Variants in DYNC2H1 observed in about 807,000 individuals in gnomAD.
DYNC2H1 encodes the protein cytoplasmic dynein 2 heavy chain 1.
Under a neutral mutation model 570.0 loss-of-function variants are expected in DYNC2H1, and 410 were observed. That is an observed-to-expected ratio of 0.72 (90% CI 0.66 to 0.78). DYNC2H1 has a LOEUF of 0.78. DYNC2H1 is among the 30% of genes least tolerant of loss of function. The probability of loss-of-function intolerance (pLI) is 0.00; values close to 1 mark genes in which losing one functional copy is unlikely to be tolerated. For synonymous variants in DYNC2H1, 1,688 were observed against 1,677.6 expected, an observed-to-expected ratio of 1.01 and a Z score of -0.15; for missense variants, 4,865 against 5,046.4, an observed-to-expected ratio of 0.96 and a Z score of 1.09.
chr11:103,187,146 A>C (rs1350205901), intron 42 of DYNC2H1, among the ~76,000 whole-genome samples, 194 bp from the exon 43 acceptor site: 1 of 151,984 alleles, frequency 6.6e-6, no homozygotes, highest in Non-Finnish European at 1.5e-5. Flanking sequence ...TTAAAACATG[A>C]ATTTATGTTT....
At chr11:103,184,752 A>T (rs942009375) in intron 40 of DYNC2H1, 144 bp from the exon 41 acceptor site, 4 of 692,328 alleles carry the variant, frequency 5.8e-6, no homozygotes, top group Admixed American at 3.4e-5. Flanking sequence ...AATTGAATGA[A>T]ATCCAAACTT....
intron 70 of DYNC2H1, among the ~76,000 whole-genome samples, chr11:103,266,794 G>T (rs984744271): frequency 3.5e-4 from 53 of 152,076 alleles, no homozygotes; most frequent in Admixed American, 3.3e-3. Flanking sequence ...ACCTGAGGCT[G>T]CCCTGCAAGC....
intron 10 of DYNC2H1, 33 bp downstream of exon 10, chr11:103,121,529 A>C: frequency 6.3e-7 from 1 of 1,599,658 alleles, no homozygotes; most frequent in Non-Finnish European, 8.5e-7. Flanking sequence ...AAGAGTACTA[A>C]TTATAAAATC....
chr11:103,221,566 T>C (rs1863587552), intron 57 of DYNC2H1, among the ~76,000 whole-genome samples: 1 of 152,178 alleles, frequency 6.6e-6, no homozygotes, highest in East Asian at 1.9e-4. Flanking sequence ...TCTAGAGTTT[T>C]TGTTGTCTAC....
At chr11:103,166,776 T>C (rs1861322944) in intron 31 of DYNC2H1, among the ~76,000 whole-genome samples, 1 of 152,094 alleles carries the variant, frequency 6.6e-6, no homozygotes, top group Non-Finnish European at 1.5e-5. Context: ...TTTTCAGTAG[T>C]TTGATTATGA....
chr11:103,376,375 T>C (rs1941393131), intron 83 of DYNC2H1, among the ~76,000 whole-genome samples: 1 of 152,256 alleles, frequency 6.6e-6, no homozygotes. Context: ...GGTTGTTTTT[T>C]AGATCTTTGG....
At chr11:103,467,420 C>T (rs1945226130) in intron 87 of DYNC2H1, among the ~76,000 whole-genome samples, 2 of 152,172 alleles carry the variant, frequency 1.3e-5, no homozygotes, top group African/African-American at 2.4e-5. Context: ...CTGTATGTTG[C>T]TGAAAATTAT....
In DYNC2H1 at chr11:103,186,133, T is replaced by G; in HGVS notation, c.6634-109T>G. The stretch of plus-strand genomic sequence containing the variant: ...TAAAATAGGTTTAGTTTATGTAAAG[T>G]TTTCTTGGAACTAAGATGATTTACT... On this transcript the variant is annotated intron_variant, in intron 41 of 88. Transcript: ENST00000375735. The surrounding 1 kb of genome is among the most constrained non-coding windows in gnomAD (Gnocchi z 4.5). 9.0e-7 allele frequency: 1 copy of G among 1,107,630 alleles called. No individual in the cohort carries two copies. The highest frequency in any genetic ancestry group is 1.3e-6 in the Non-Finnish European group (1 of 798,554). The allele number at this position is 1,107,630 out of a possible 1,614,324, so 68.6% of individuals were successfully genotyped here. A position where few individuals can be genotyped will look rare whatever the true frequency, so the allele number is the denominator to read the frequency against.
In DYNC2H1 at chr11:103,173,450, G is replaced by C. The variant is rs957737976; in HGVS notation, c.5558+145G>C. On this transcript the variant is annotated intron_variant, in intron 35 of 88. Transcript: ENST00000375735. ...TTTATTGTACTTATAGTGTAGCTAT[G>C]AAAGGCTTTAGCATGCACATAAAAA... is the stretch of plus-strand genomic sequence containing the variant. 7 of 555,574 alleles carry C rather than the reference G, an allele frequency of 1.3e-5. No individual in the cohort carries two copies. The Admixed American group carries it at 1.3e-4, about 10-fold the overall frequency. The allele number at this position is 555,574 out of a possible 1,614,324, so 34.4% of individuals were successfully genotyped here.
intron 52 of DYNC2H1, among the ~76,000 whole-genome samples, chr11:103,206,376 AAGGC>A (rs1862924715): frequency 6.6e-6 from 1 of 152,182 alleles, no homozygotes; most frequent in South Asian, 2.1e-4. Context: ...TAAGTTTGGG[AAGGC>A]ATTTGGAAAT....
Position 103,177,604 on chromosome 11 carries a change from GT to G in DYNC2H1, c.5925del (p.Val1976LeufsTer17), listed in dbSNP as rs1380132788. 1.9e-6 allele frequency: 3 copies of G among 1,613,174 alleles called. No individual in the cohort carries two copies. The African/African-American group carries it at 4.0e-5, about 22-fold the overall frequency. ...LYEQLCQRMGVVIVGPSGAGK... is the reference protein window; with the variant it reads ...LYEQLCQRMGXVIVGPSGAGK... ...TGAACAGTTATGCCAGAGGATGGGA[GT>G]TGTTATTGTTGGTCCAAGTGGTGCT... On this transcript the variant is annotated frameshift_variant, in exon 38 of 89. Transcript: ENST00000375735. LOFTEE classifies it high-confidence loss of function. This position sits in a 1 kb window ranked among gnomAD's most constrained non-coding sequence, Gnocchi z 4.4.
chr11:103,195,284 G>T (rs1300598557), intron 47 of DYNC2H1, among the ~76,000 whole-genome samples: 3 of 152,140 alleles, frequency 2.0e-5, no homozygotes, highest in Non-Finnish European at 4.4e-5. Flanking sequence ...TTCCTTAAAA[G>T]TTTATAGTTT....
In DYNC2H1 at chr11:103,186,130, A is replaced by G; in HGVS notation, c.6634-112A>G. 4 of 1,072,310 alleles carry G rather than the reference A, an allele frequency of 3.7e-6. No homozygotes were observed. The East Asian group carries it at 7.8e-5, about 21-fold the overall frequency. The allele number at this position is 1,072,310 out of a possible 1,614,324, so 66.4% of individuals were successfully genotyped here. On this transcript the variant is annotated intron_variant, in intron 41 of 88. Transcript: ENST00000375735. The surrounding 1 kb of genome is among the most constrained non-coding windows in gnomAD (Gnocchi z 4.5). ...TGATAAAATAGGTTTAGTTTATGTA[A>G]AGTTTTCTTGGAACTAAGATGATTT...
chr11:103,149,647 G>A (rs1860436532), intron 20 of DYNC2H1, among the ~76,000 whole-genome samples: 1 of 152,178 alleles, frequency 6.6e-6, no homozygotes, highest in African/African-American at 2.4e-5. Flanking sequence ...TATGAGCTGT[G>A]GCAGTTAGCA....
intron 70 of DYNC2H1, among the ~76,000 whole-genome samples, chr11:103,266,593 A>G (rs1865514410): frequency 6.6e-6 from 1 of 152,180 alleles, no homozygotes; most frequent in African/African-American, 2.4e-5. Context: ...GCACTTTCAC[A>G]TGCTGGTATG....
At chr11:103,286,999 A>G (rs7119789) in intron 74 of DYNC2H1, among the ~76,000 whole-genome samples, 19,219 of 152,222 alleles carry the variant, frequency 0.13, 1,510 homozygotes, top group Admixed American at 0.24. Context: ...ATCTAGGAAT[A>G]TCATAGATAT....
chr11:103,175,926 A>G (rs1043065831), intron 36 of DYNC2H1, among the ~76,000 whole-genome samples: 2 of 152,194 alleles, frequency 1.3e-5, no homozygotes, highest in African/African-American at 4.8e-5. Flanking sequence ...ATTACATCAT[A>G]TAATATAAAA....
intron 82 of DYNC2H1, among the ~76,000 whole-genome samples, chr11:103,343,211 AC>A (rs1412690452): frequency 6.6e-6 from 1 of 152,036 alleles, no homozygotes; most frequent in Non-Finnish European, 1.5e-5. Flanking sequence ...AGTTTCGTTG[AC>A]CCTGCAGCCA....
At chr11:103,471,377 A>G (rs1945380652) in intron 88 of DYNC2H1, among the ~76,000 whole-genome samples, 1 of 152,236 alleles carries the variant, frequency 6.6e-6, no homozygotes, top group Admixed American at 6.5e-5. Context: ...TAAGTGTTTC[A>G]GAACACAAAA....
Sources: gnomAD v4.1 joint callset for allele counts (sites outside exome capture counted in the v4.1 genomes callset) on GRCh38, gnomAD v4.1.1 for gene constraint, Gnocchi (gnomAD v3.1) non-coding constraint, MANE v1.5 for transcripts, NCBI Gene and HGNC (gene_info 2026-07-23, HGNC 2026-07-21) for gene names.